ABTB3: variants seen among roughly 807,000 people sequenced by gnomAD.
The protein encoded by ABTB3 is ankyrin repeat- and BTB/POZ domain-containing protein 3.
chr12:107,408,575 A>C, the ABTB3 span, among the ~76,000 whole-genome samples: 6 of 152,182 alleles, frequency 3.9e-5, no homozygotes, highest in East Asian at 1.2e-3. Flanking sequence ...AGTGTTTTAC[A>C]CATATATTTT....
At chr12:107,620,299 GC>G in the ABTB3 span, 1 of 1,203,786 alleles carries the variant, frequency 8.3e-7, no homozygotes, top group Non-Finnish European at 1.2e-6. Flanking sequence ...GGCGAATGTA[GC>G]CCAGCAGACG....
chr12:107,498,487 A>T, the ABTB3 span, among the ~76,000 whole-genome samples: 2 of 152,218 alleles, frequency 1.3e-5, no homozygotes, highest in Non-Finnish European at 2.9e-5. Flanking sequence ...ATTCTCTTAC[A>T]ATGATGTAGG....
At chr12:107,512,512 A>C in the ABTB3 span, among the ~76,000 whole-genome samples, 2 of 152,222 alleles carry the variant, frequency 1.3e-5, no homozygotes, top group Non-Finnish European at 2.9e-5. Context: ...CCTGGGTAAT[A>C]ATGCCAGGGA....
chr12:107,567,593 T>C, the ABTB3 span, among the ~76,000 whole-genome samples: 2 of 151,446 alleles, frequency 1.3e-5, no homozygotes, highest in Admixed American at 1.3e-4. Context: ...ACACCAGGGG[T>C]CCCCAATCCC....
the ABTB3 span, among the ~76,000 whole-genome samples, chr12:107,441,895 A>G: frequency 6.6e-6 from 1 of 152,006 alleles, no homozygotes; most frequent in Admixed American, 6.6e-5. Flanking sequence ...AGCCATGATC[A>G]CACCACTATA....
chr12:107,582,605 C>A, the ABTB3 span, among the ~76,000 whole-genome samples: 2 of 152,176 alleles, frequency 1.3e-5, no homozygotes, highest in African/African-American at 4.8e-5. Context: ...TTATCAATTG[C>A]AACAAAAGAT....
the ABTB3 span, among the ~76,000 whole-genome samples, chr12:107,619,581 C>G: frequency 1.3e-5 from 2 of 152,156 alleles, no homozygotes; most frequent in African/African-American, 4.8e-5. Context: ...CTCTTCTCCC[C>G]CCTGAGCTTC....
chr12:107,647,639 T>C, the ABTB3 span, among the ~76,000 whole-genome samples: 1 of 152,234 alleles, frequency 6.6e-6, no homozygotes, highest in African/African-American at 2.4e-5. Context: ...CAAGGCGGCA[T>C]GTAGCAGAAA....
chr12:107,592,998 A>C, the ABTB3 span, among the ~76,000 whole-genome samples: 1 of 152,236 alleles, frequency 6.6e-6, no homozygotes, highest in Admixed American at 6.5e-5. Context: ...ATGAATATGC[A>C]TTATAAAGAA....
chr12:107,389,154 T>C, the ABTB3 span, among the ~76,000 whole-genome samples: 1 of 152,218 alleles, frequency 6.6e-6, no homozygotes, highest in East Asian at 1.9e-4. Context: ...GGTTGGAAAA[T>C]GGAGCCAGAG....
chr12:107,353,126 G>T, the ABTB3 span, among the ~76,000 whole-genome samples: 1 of 152,106 alleles, frequency 6.6e-6, no homozygotes, highest in African/African-American at 2.4e-5. Flanking sequence ...AGGAGACCCT[G>T]GCATTCAGGT....
At chr12:107,471,753 A>G in the ABTB3 span, among the ~76,000 whole-genome samples, 1 of 152,136 alleles carries the variant, frequency 6.6e-6, no homozygotes, top group African/African-American at 2.4e-5. Flanking sequence ...AACACCCCTC[A>G]CAGAGCCGTG....
At chr12:107,503,368 A>G in the ABTB3 span, among the ~76,000 whole-genome samples, 1 of 152,094 alleles carries the variant, frequency 6.6e-6, no homozygotes, top group African/African-American at 2.4e-5. Context: ...CAGGTTGTTT[A>G]CTGTCCCTAG....
chr12:107,561,973 T>C, the ABTB3 span, among the ~76,000 whole-genome samples: 2 of 152,154 alleles, frequency 1.3e-5, no homozygotes, highest in Non-Finnish European at 2.9e-5. Context: ...CTTCTCCCAT[T>C]AGACTTTGTG....
chr12:107,617,244 C>T, the ABTB3 span: 10 of 1,613,650 alleles, frequency 6.2e-6, no homozygotes, highest in Admixed American at 1.7e-4. Flanking sequence ...CCTTGAAGTG[C>T]CTGTGACTAT....
At chr12:107,362,331 C>A in the ABTB3 span, among the ~76,000 whole-genome samples, 1 of 152,204 alleles carries the variant, frequency 6.6e-6, no homozygotes, top group Non-Finnish European at 1.5e-5. Context: ...CGTGGATGAG[C>A]TCAGCTATGC....
the ABTB3 span, chr12:107,642,270 C>G: frequency 3.7e-6 from 4 of 1,086,714 alleles, no homozygotes; most frequent in Admixed American, 7.5e-5. Context: ...TGGAGAAGTC[C>G]TTGGAATGAG....
the ABTB3 span, among the ~76,000 whole-genome samples, chr12:107,545,543 ACTT>A: frequency 6.6e-6 from 1 of 152,062 alleles, no homozygotes; most frequent in Non-Finnish European, 1.5e-5. Flanking sequence ...ATGCCAGGCT[ACTT>A]CTTCTTTTTA....
the ABTB3 span, among the ~76,000 whole-genome samples, chr12:107,653,376 G>T: frequency 6.6e-6 from 1 of 152,064 alleles, no homozygotes; most frequent in African/African-American, 2.4e-5. Context: ...AATTAGCTGG[G>T]CATGGTGGCG....
Sources: gnomAD v4.1 joint callset for allele counts (sites outside exome capture counted in the v4.1 genomes callset) on GRCh38, gnomAD v4.1.1 for gene constraint, MANE v1.5 for transcripts, NCBI Gene and HGNC (gene_info 2026-07-23, HGNC 2026-07-21) for gene names.